PARN: variants seen among roughly 807,000 people sequenced by gnomAD.
PARN encodes poly(A)-specific ribonuclease.
In PARN, 71 loss-of-function variants were observed where a neutral mutation model predicts 102.8. The ratio of observed to expected loss-of-function variants is 0.69; its 90% CI spans 0.57 to 0.84. The LOEUF (loss-of-function observed/expected upper bound fraction) is 0.84. Among genes scored for constraint, PARN ranks in the 40% least tolerant of loss-of-function variants. The pLI, the probability that PARN is intolerant of heterozygous loss-of-function variation, is 0.00. For synonymous variants in PARN, 261 were observed against 252.9 expected (o/e 1.03, Z -0.30); for missense variants, 782 against 760.9 (o/e 1.03, Z -0.33).
intron 17 of PARN, 78 bp downstream of exon 17, chr16:14,582,103 A>T: frequency 1.2e-6 from 1 of 869,350 alleles, no homozygotes; most frequent in Non-Finnish European, 2.0e-6. Flanking sequence ...GTAATTTATT[A>T]CAGCAGCCTA....
intron 21 of PARN, among the ~76,000 whole-genome samples, chr16:14,500,220 T>G (rs1032424882): frequency 2.0e-5 from 3 of 152,066 alleles, no homozygotes; most frequent in African/African-American, 7.2e-5. Flanking sequence ...CATGTCCGGG[T>G]AATTTAAAAA....
chr16:14,483,427 T>C (rs889828036), intron 21 of PARN, among the ~76,000 whole-genome samples: 1 of 152,220 alleles, frequency 6.6e-6, no homozygotes, highest in Non-Finnish European at 1.5e-5. Flanking sequence ...AGACCATCCC[T>C]GGGTGAATGG....
chr16:14,463,787 GA>G (rs201674697), intron 22 of PARN, among the ~76,000 whole-genome samples: 1 of 122,178 alleles, frequency 8.2e-6, no homozygotes, highest in Non-Finnish European at 1.8e-5. Flanking sequence ...GCGGGAAAAA[GA>G]AAAAAAATCT....
Position 14,627,313 on chromosome 16 carries a change from A to C in PARN, c.201T>G (p.Phe67Leu). The C allele has an allele frequency of 1.3e-6, 2 of 1,591,854 alleles. No homozygotes were observed. Among genetic ancestry groups the C allele is most frequent in the African/African-American group, 1.3e-5 (1 of 74,740 alleles). The change falls in exon 4 of 24, where the codon TTT becomes TTG. Residue 67 changes from phenylalanine (F) to leucine (L), a missense_variant. By Grantham distance (22) the Phe-to-Leu change is conservative. Coordinates refer to ENST00000437198, the MANE Select transcript of PARN (RefSeq NM_002582.4). Reference sequence around the variant, plus strand: ...ACTTAAAAGTGCAAAGGCCAAACTGAAATAGCAAAAAGTCCATGGAATGCT... The same window carrying C: ...ACTTAAAAGTGCAAAGGCCAAACTGCAATAGCAAAAAGTCCATGGAATGCT... ...LKKHSMDFLL[F>L]QFGLCTFKYD...
chr16:14,555,808 G>T, intron 18 of PARN, 99 bp from the exon 19 acceptor site: 4 of 546,896 alleles, frequency 7.3e-6, no homozygotes, highest in Admixed American at 3.6e-5. Flanking sequence ...ATTTTAATAG[G>T]CATTTATTAT....
chr16:14,479,221 C>A (rs565519845), intron 22 of PARN, among the ~76,000 whole-genome samples: 3 of 152,134 alleles, frequency 2.0e-5, no homozygotes, highest in African/African-American at 7.2e-5. Context: ...GAGTTCGAGA[C>A]CAGCTTGGGC....
intron 22 of PARN, among the ~76,000 whole-genome samples, chr16:14,465,053 A>C (rs1378440508): frequency 6.6e-6 from 1 of 152,168 alleles, no homozygotes; most frequent in Admixed American, 6.5e-5. Context: ...GTAAATAGAT[A>C]AGATTTCTTT....
At chr16:14,538,219 CTTTTTTT>C (rs34012270) in intron 21 of PARN, among the ~76,000 whole-genome samples, 1 of 131,844 alleles carries the variant, frequency 7.6e-6, no homozygotes, top group East Asian at 2.2e-4. Context: ...ATATTTTTCA[CTTTTTTT>C]TTTTTTTTTT....
In PARN at chr16:14,552,100, A is replaced by G. The variant is rs1239441637; in HGVS notation, c.1406-5T>C. Reference sequence around the variant, plus strand: ...TCCAGGATATCTGAATGTTACCTGCAATCGCAAATTAAAAGTAAAGTGAAC... The same window carrying G: ...TCCAGGATATCTGAATGTTACCTGCGATCGCAAATTAAAAGTAAAGTGAAC... On this transcript the variant is annotated splice_polypyrimidine_tract_variant and splice_region_variant and intron_variant, in intron 20 of 23. Transcript: ENST00000437198. 1 of 1,592,930 alleles carries G rather than the reference A, an allele frequency of 6.3e-7. No individual in the cohort carries two copies. The highest frequency in any genetic ancestry group is 8.6e-7 in the Non-Finnish European group (1 of 1,162,514).
intron 5 of PARN, among the ~76,000 whole-genome samples, chr16:14,619,525 G>C (rs891155532): frequency 6.6e-6 from 1 of 152,020 alleles, no homozygotes; most frequent in African/African-American, 2.4e-5. Flanking sequence ...AGCACTTTAG[G>C]AGATGGTGGG....
At chr16:14,520,831 G>A (rs148281689) in intron 21 of PARN, among the ~76,000 whole-genome samples, 9 of 152,272 alleles carry the variant, frequency 5.9e-5, no homozygotes, top group South Asian at 4.1e-4. Context: ...GACTGGCCAC[G>A]ATTAAGTGGC....
At chr16:14,585,752 A>C (rs1226917564) in intron 14 of PARN, among the ~76,000 whole-genome samples, 4 of 152,212 alleles carry the variant, frequency 2.6e-5, no homozygotes, top group Non-Finnish European at 5.9e-5. Flanking sequence ...AGGAGGCTTC[A>C]ACAGTTCTTC....
chr16:14,543,180 A>C (rs1966851895), intron 21 of PARN, among the ~76,000 whole-genome samples: 1 of 152,222 alleles, frequency 6.6e-6, no homozygotes, highest in South Asian at 2.1e-4. Context: ...ACAGCTTTAA[A>C]ACACTGAAAG....
At chr16:14,502,647 G>A (rs1223165580) in intron 21 of PARN, among the ~76,000 whole-genome samples, 1 of 152,198 alleles carries the variant, frequency 6.6e-6, no homozygotes, top group Non-Finnish European at 1.5e-5. Context: ...ATTCACACAA[G>A]TTTCAAAATG....
chr16:14,456,078 G>GT (rs1428937909), intron 22 of PARN, among the ~76,000 whole-genome samples: 1 of 152,014 alleles, frequency 6.6e-6, no homozygotes, highest in Non-Finnish European at 1.5e-5. Flanking sequence ...ATATGTGGTT[G>GT]TATTCTTGGA....
chr16:14,591,607 A>G (rs1299638108), intron 13 of PARN, among the ~76,000 whole-genome samples: 2 of 152,172 alleles, frequency 1.3e-5, no homozygotes, highest in African/African-American at 4.8e-5. Flanking sequence ...AGCTGAAAAT[A>G]TTTTACTATC....
chr16:14,586,886 A>C (rs1969891523), intron 13 of PARN, among the ~76,000 whole-genome samples: 1 of 152,234 alleles, frequency 6.6e-6, no homozygotes, highest in South Asian at 2.1e-4. Context: ...TTCAATACAC[A>C]TATGATTCCT....
chr16:14,439,397 G>A (rs1207594517), intron 23 of PARN, among the ~76,000 whole-genome samples: 1 of 147,880 alleles, frequency 6.8e-6, no homozygotes, highest in African/African-American at 2.5e-5. Flanking sequence ...AAAAAATAGA[G>A]GGAGGGAGGG....
chr16:14,456,638 C>T (rs570376737), intron 22 of PARN, among the ~76,000 whole-genome samples: 5 of 152,204 alleles, frequency 3.3e-5, no homozygotes, highest in African/African-American at 1.2e-4. Flanking sequence ...ATGTACACTC[C>T]CATTTTGCAG....
Sources: allele counts gnomAD v4.1 joint callset (sites outside exome capture counted in the v4.1 genomes callset), GRCh38; gene constraint gnomAD v4.1.1; transcripts MANE v1.5; gene names NCBI Gene and HGNC (gene_info 2026-07-23, HGNC 2026-07-21).